Variants in ADARB2 observed in about 807,000 individuals in gnomAD.
The protein encoded by ADARB2 is inactive double-stranded RNA-specific editase B2.
Under a neutral mutation model 62.2 loss-of-function variants are expected in ADARB2, and 25 were observed. The observed-to-expected ratio is 0.40, with a 90% CI of 0.29 to 0.56. The LOEUF (loss-of-function observed/expected upper bound fraction) is 0.56, where lower values mean the gene tolerates loss of function less well. ADARB2 is among the 20% of genes least tolerant of loss of function. The pLI is 0.43. For synonymous variants in ADARB2, 572 were observed against 500.8 expected (o/e 1.14, Z -1.90); for missense variants, 1,071 against 1,077.4 (o/e 0.99, Z 0.08).
At chr10:1,532,289 T>C (rs1832255368) in intron 1 of ADARB2, among the ~76,000 whole-genome samples, 2 of 152,198 alleles carry the variant, frequency 1.3e-5, no homozygotes, top group Admixed American at 1.3e-4. Context: ...CCCACACTGA[T>C]TTTCTTTCTT....
intron 4 of ADARB2, among the ~76,000 whole-genome samples, chr10:1,262,068 C>G (rs1831143092): frequency 7.0e-6 from 1 of 142,904 alleles, no homozygotes; most frequent in Admixed American, 7.1e-5. Context: ...CGCATATTCT[C>G]ACTCATAGGT....
At chr10:1,660,157 C>T (rs956862128) in intron 1 of ADARB2, among the ~76,000 whole-genome samples, 1 of 152,274 alleles carries the variant, frequency 6.6e-6, no homozygotes, top group Non-Finnish European at 1.5e-5. Flanking sequence ...TCCATCGCCC[C>T]CTTCCAGTCT....
At chr10:1,435,394 TAA>T (rs1460117611) in intron 1 of ADARB2, among the ~76,000 whole-genome samples, 1 of 152,202 alleles carries the variant, frequency 6.6e-6, no homozygotes, top group African/African-American at 2.4e-5. Flanking sequence ...TCTGCTGTGG[TAA>T]AAGACAGGAC....
chr10:1,305,856 T>G (rs893742692), intron 3 of ADARB2, among the ~76,000 whole-genome samples: 5 of 151,822 alleles, frequency 3.3e-5, no homozygotes, highest in African/African-American at 4.8e-5. Flanking sequence ...TCAACAACCC[T>G]TCATGCTAAA....
intron 1 of ADARB2, among the ~76,000 whole-genome samples, chr10:1,560,790 C>G (rs939064195): frequency 2.6e-4 from 40 of 152,334 alleles, no homozygotes; most frequent in South Asian, 2.1e-4. Flanking sequence ...CTGTCTACAC[C>G]GAGCCCCAGA....
At chr10:1,346,128 G>T (rs927605514) in intron 3 of ADARB2, among the ~76,000 whole-genome samples, 2 of 152,104 alleles carry the variant, frequency 1.3e-5, no homozygotes, top group Non-Finnish European at 2.9e-5. Context: ...TTGAATACTT[G>T]AGTGAATTCA....
chr10:1,591,679 G>A (rs201000562), intron 1 of ADARB2, among the ~76,000 whole-genome samples: 56 of 108,302 alleles, frequency 5.2e-4, no homozygotes, highest in East Asian at 4.6e-3. Flanking sequence ...ACACACACAC[G>A]CACACACTCA....
intron 1 of ADARB2, among the ~76,000 whole-genome samples, chr10:1,469,260 A>G (rs1371941944): frequency 2.0e-5 from 3 of 152,174 alleles, no homozygotes; most frequent in Admixed American, 6.5e-5. Flanking sequence ...CGGTCTGCGC[A>G]CGGCTCCGGG....
At chr10:1,626,041 T>C (rs952957015) in intron 1 of ADARB2, among the ~76,000 whole-genome samples, 2 of 147,680 alleles carry the variant, frequency 1.4e-5, no homozygotes, top group Non-Finnish European at 3.0e-5. Flanking sequence ...AGGCCTCCAC[T>C]GGACCTCGGA....
intron 3 of ADARB2, among the ~76,000 whole-genome samples, chr10:1,304,785 A>G (rs1465998869): frequency 6.7e-6 from 1 of 148,980 alleles, no homozygotes; most frequent in East Asian, 2.0e-4. Flanking sequence ...TACTGGGTAC[A>G]TAACGAAATG....
At chr10:1,510,369 T>C (rs1356394734) in intron 1 of ADARB2, among the ~76,000 whole-genome samples, 2 of 151,658 alleles carry the variant, frequency 1.3e-5, no homozygotes, top group Admixed American at 6.6e-5. Flanking sequence ...TTCTTTAGAG[T>C]TGGGGTCTCA....
At chr10:1,507,043 C>T (rs1429652555) in intron 1 of ADARB2, among the ~76,000 whole-genome samples, 7 of 152,218 alleles carry the variant, frequency 4.6e-5, no homozygotes, top group Non-Finnish European at 1.0e-4. Flanking sequence ...CCAACGTCCA[C>T]TGCCTAAGCC....
At chr10:1,442,707 A>C (rs1175683950) in intron 1 of ADARB2, among the ~76,000 whole-genome samples, 4 of 152,240 alleles carry the variant, frequency 2.6e-5, no homozygotes. Flanking sequence ...TACCTGTTAT[A>C]CTGTATATGG....
At position 1,220,105 on chromosome 10, in the gene ADARB2, G is replaced by GTGGTGATGA. The variant is rs1169376815; in HGVS notation, c.1514-2995_1514-2987dup. Among the ~76,000 whole-genome samples, 10 of 147,956 alleles carry GTGGTGATGA rather than the reference G, an allele frequency of 6.8e-5. No individual in the cohort carries two copies. In the East Asian group the frequency reaches 2.0e-3, roughly 30 times the overall value. On this transcript the variant is annotated intron_variant, in intron 6 of 9. Coordinates refer to ENST00000381312, the MANE Select transcript of ADARB2 (RefSeq NM_018702.4). Reference sequence around the variant, plus strand: ...GATGGTGGTAATGGTGATGGTGGTGGTGGTGATGATGGTGATGATGGTGAA... The same window carrying GTGGTGATGA: ...GATGGTGGTAATGGTGATGGTGGTGGTGGTGATGATGGTGATGATGGTGATGATGGTGAA...
chr10:1,695,717 T>G (rs1345222879), intron 1 of ADARB2, among the ~76,000 whole-genome samples: 2 of 152,030 alleles, frequency 1.3e-5, no homozygotes. Context: ...CAAACATACA[T>G]GTATGTGAGA....
chr10:1,364,778 C>T (rs775936097), intron 2 of ADARB2, among the ~76,000 whole-genome samples: 16 of 152,128 alleles, frequency 1.1e-4, no homozygotes, highest in Non-Finnish European at 2.1e-4. Context: ...TTCACTAATC[C>T]AAGGTTTGTG....
intron 4 of ADARB2, among the ~76,000 whole-genome samples, chr10:1,267,859 T>C (rs1269015964): frequency 2.0e-5 from 3 of 152,148 alleles, no homozygotes; most frequent in East Asian, 1.9e-4. Context: ...TGCAACACTC[T>C]CATCAGATAG....
intron 1 of ADARB2, among the ~76,000 whole-genome samples, chr10:1,531,219 T>C (rs184684344): frequency 3.0e-4 from 45 of 152,180 alleles, no homozygotes; most frequent in African/African-American, 1.0e-3. Context: ...TCTAGTAAAT[T>C]AGTGAGTGGC....
At chr10:1,284,420 G>T (rs1831395216) in intron 3 of ADARB2, among the ~76,000 whole-genome samples, 1 of 152,128 alleles carries the variant, frequency 6.6e-6, no homozygotes, top group East Asian at 1.9e-4. Flanking sequence ...ATGCTCTCAG[G>T]GCTAGGAAGG....
Sources: allele counts gnomAD v4.1 joint callset (sites outside exome capture counted in the v4.1 genomes callset), GRCh38; gene constraint gnomAD v4.1.1; transcripts MANE v1.5; gene names NCBI Gene and HGNC (gene_info 2026-07-23, HGNC 2026-07-21).